Variants in CDC25A observed in about 807,000 individuals in gnomAD.
The protein encoded by CDC25A is M-phase inducer phosphatase 1.
A neutral mutation model predicts 64.6 loss-of-function variants in CDC25A; 17 were observed. That is an observed-to-expected ratio of 0.26 (90% confidence interval 0.18 to 0.39). CDC25A has a LOEUF of 0.39. Ranked by LOEUF, CDC25A falls within the 10% of genes least tolerant of loss-of-function variation. The pLI is 1.00. For missense variants in CDC25A, 473 were observed against 654.8 expected (o/e 0.72, Z 3.03); for synonymous variants, 229 against 238.6 (o/e 0.96, Z 0.37).
intron 12 of CDC25A, among the ~76,000 whole-genome samples, chr3:48,164,828 C>A (rs938045793): frequency 2.6e-5 from 4 of 151,930 alleles, no homozygotes; most frequent in African/African-American, 7.3e-5. Context: ...AAATGGCAGG[C>A]CAGGCGCCGT....
chr3:48,180,699 C>T (rs371529299), intron 6 of CDC25A, 22 bp downstream of exon 6: 1 of 1,610,116 alleles, frequency 6.2e-7, no homozygotes, highest in African/African-American at 1.3e-5. Flanking sequence ...AGGAATTCCC[C>T]TATGAAAGCC....
At chr3:48,178,069 T>G (rs767983385) in intron 6 of CDC25A, 81 bp from the exon 7 acceptor site, 6 of 1,368,698 alleles carry the variant, frequency 4.4e-6, no homozygotes, top group Non-Finnish European at 6.0e-6. Flanking sequence ...GTTTTTATGA[T>G]GAAAACATAC....
intron 8 of CDC25A, among the ~76,000 whole-genome samples, chr3:48,175,081 G>A (rs1052078664): frequency 6.6e-6 from 1 of 152,098 alleles, no homozygotes; most frequent in African/African-American, 2.4e-5. Flanking sequence ...GATCACTTGA[G>A]GTCACAAGTT....
intron 6 of CDC25A, 194 bp downstream of exon 6, chr3:48,180,527 C>G: frequency 1.9e-6 from 1 of 520,200 alleles, no homozygotes; most frequent in Non-Finnish European, 3.4e-6. Flanking sequence ...AACACCATCT[C>G]CCACTCTTAC....
chr3:48,187,627 T>G, intron 1 of CDC25A, 151 bp downstream of exon 1: 1 of 701,444 alleles, frequency 1.4e-6, no homozygotes, highest in Non-Finnish European at 2.2e-6. Flanking sequence ...CGGGCGGGGG[T>G]GCACATGGCA....
At position 48,183,007 on chromosome 3, in the gene CDC25A, T is replaced by G; in HGVS notation, c.351A>C (p.Pro117=). The change falls in exon 5 of 15, where the codon CCA becomes CCC. Residue 117 remains proline, a synonymous_variant. Coordinates refer to ENST00000302506, the MANE Select transcript of CDC25A (RefSeq NM_001789.3). ...SLPQKLLGCS[P]ALKRSHSDSL... is the part of the protein sequence containing the mutation. ...AATCAGAATGGCTCCTCTTCAGAGCTGGACTACATCCCAACAGCTTCTGCT... is the reference window on the plus strand; with the variant it reads ...AATCAGAATGGCTCCTCTTCAGAGCGGGACTACATCCCAACAGCTTCTGCT... 6.2e-7 allele frequency: 1 copy of G among 1,612,476 alleles called. No individual in the cohort carries two copies. Among genetic ancestry groups the G allele is most frequent in the Non-Finnish European group, 8.5e-7 (1 of 1,178,502 alleles).
intron 1 of CDC25A, 112 bp downstream of exon 1, chr3:48,187,666 G>T: frequency 9.1e-7 from 1 of 1,103,048 alleles, no homozygotes; most frequent in Non-Finnish European, 1.2e-6. Context: ...CCCGAGCGGC[G>T]AACCCGGACG....
chr3:48,167,778 G>A, intron 10 of CDC25A, 68 bp downstream of exon 10: 1 of 859,498 alleles, frequency 1.2e-6, no homozygotes. Context: ...GAGGGAGACA[G>A]GCTGAGTGGG....
intron 13 of CDC25A, 86 bp from the exon 14 acceptor site, chr3:48,159,541 A>C: frequency 2.3e-6 from 2 of 856,076 alleles, no homozygotes; most frequent in Non-Finnish European, 4.0e-6. Flanking sequence ...GTTGTGGTCT[A>C]AGTCCCCCTT....
chr3:48,180,681 T>C, intron 6 of CDC25A, 40 bp downstream of exon 6: 1 of 1,608,172 alleles, frequency 6.2e-7, no homozygotes, highest in Admixed American at 1.7e-5. Context: ...TAATCCTTTC[T>C]TCCTGTCAGG....
intron 8 of CDC25A, among the ~76,000 whole-genome samples, chr3:48,175,779 G>T (rs976347815): frequency 2.0e-5 from 3 of 152,136 alleles, no homozygotes; most frequent in African/African-American, 7.2e-5. Context: ...CTATCAAAAT[G>T]ACCTGGTAAA....
intron 2 of CDC25A, among the ~76,000 whole-genome samples, chr3:48,186,479 G>A (rs1410165397): frequency 6.6e-6 from 1 of 151,298 alleles, no homozygotes; most frequent in African/African-American, 2.4e-5. Context: ...TGAGGCAGGA[G>A]AATCACTTGA....
Position 48,182,217 on chromosome 3 carries a change from G to C in CDC25A, c.429+712C>G, listed in dbSNP as rs3805087. On this transcript the variant is annotated intron_variant, in intron 5 of 14. Transcript: ENST00000302506. ...AAAGAAATCATCAGGAGAGTTCATGGAGGCAGTGGGTTTCACACTAAACCT... is the reference window on the plus strand; with the variant it reads ...AAAGAAATCATCAGGAGAGTTCATGCAGGCAGTGGGTTTCACACTAAACCT... 2.0e-5 allele frequency among the ~76,000 whole-genome samples: 3 copies of C among 152,194 alleles called. No individual in the cohort carries two copies. The East Asian group carries it at 5.8e-4, about 29-fold the overall frequency.
chr3:48,174,540 C>T, intron 8 of CDC25A, 83 bp from the exon 9 acceptor site: 2 of 1,323,056 alleles, frequency 1.5e-6, no homozygotes, highest in Non-Finnish European at 2.1e-6. Flanking sequence ...CGAAGGTTTC[C>T]TGGGATGATC....
rs764469793 is a variant in CDC25A at position 48,177,838 on chromosome 3, C to G, written c.684+16G>C. 5.0e-6 allele frequency: 8 copies of G among 1,613,016 alleles called. No individual in the cohort carries two copies. Among genetic ancestry groups the G allele is most frequent in the Non-Finnish European group, 6.8e-6 (8 of 1,179,274 alleles). On this transcript the variant is annotated intron_variant, in intron 7 of 14. Coordinates refer to ENST00000302506, the MANE Select transcript of CDC25A (RefSeq NM_001789.3). ...TTAGTAGAACAAATAGGAACACACA[C>G]ACACACACACGGTACCTTCAGATTC...
intron 4 of CDC25A, among the ~76,000 whole-genome samples, chr3:48,183,264 G>GC (rs1020643669): frequency 1.4e-4 from 22 of 152,076 alleles, no homozygotes; most frequent in Non-Finnish European, 2.5e-4. Context: ...GGTCTACAGT[G>GC]CCCCCCTCAA....
intron 8 of CDC25A, among the ~76,000 whole-genome samples, chr3:48,176,358 T>C (rs1257771368): frequency 6.6e-6 from 1 of 151,888 alleles, no homozygotes; most frequent in African/African-American, 2.4e-5. Flanking sequence ...TTTGAAAGTA[T>C]CCCTATGATG....
At position 48,157,623 on chromosome 3, in the gene CDC25A, G is replaced by C. The variant is rs1240136264; in HGVS notation, c.*1322C>G. ...TCAATGAAGTCTGCCCCAGCTCCTT[G>C]GATGAGGTGTTCTTTTGAAATTCCC... On this transcript the variant is annotated 3_prime_UTR_variant, in exon 15 of 15. Coordinates refer to ENST00000302506, the MANE Select transcript of CDC25A (RefSeq NM_001789.3). The C allele has an allele frequency of 1.3e-5, 2 of 152,656 alleles. No individual in the cohort carries two copies. Among genetic ancestry groups the C allele is most frequent in the Non-Finnish European group, 2.9e-5 (2 of 68,052 alleles). The allele number at this position is 152,656 out of a possible 1,614,324, so 9.5% of individuals were successfully genotyped here.
intron 13 of CDC25A, among the ~76,000 whole-genome samples, chr3:48,162,585 C>T (rs543148897): frequency 1.4e-4 from 22 of 152,064 alleles, no homozygotes; most frequent in African/African-American, 5.1e-4. Context: ...CAGTGGCTCA[C>T]GCCTGTAATC....
Sources: allele counts gnomAD v4.1 joint callset (sites outside exome capture counted in the v4.1 genomes callset), GRCh38; gene constraint gnomAD v4.1.1; transcripts MANE v1.5; gene names NCBI Gene and HGNC (gene_info 2026-07-23, HGNC 2026-07-21).